The following RMDN2 variants were observed in gnomAD, a reference collection of about 807,000 sequenced individuals.
RMDN2 encodes regulator of microtubule dynamics 2, also known as regulator of microtubule dynamics protein 2.
In RMDN2, 61 loss-of-function variants were observed where a neutral mutation model predicts 52.8. The ratio of observed to expected loss-of-function variants is 1.16; its 90% CI spans 0.94 to 1.43. The LOEUF (loss-of-function observed/expected upper bound fraction) is 1.43. RMDN2 is among the 40% of genes most tolerant of loss of function. RMDN2 has a pLI of 0.00. For missense variants in RMDN2, 592 were observed against 475.3 expected (o/e 1.25, Z -2.28); for synonymous variants, 180 against 153.1 (o/e 1.18, Z -1.30).
At chr2:37,939,383 G>T (rs1667585964) in intron 2 of RMDN2, among the ~76,000 whole-genome samples, 1 of 152,184 alleles carries the variant, frequency 6.6e-6, no homozygotes, top group South Asian at 2.1e-4. Flanking sequence ...GTGTGGTGGA[G>T]AGTTCTATAG....
chr2:37,990,518 CA>C (rs397812186), intron 6 of RMDN2, among the ~76,000 whole-genome samples: 281 of 37,544 alleles, frequency 7.5e-3, no homozygotes, highest in African/African-American at 0.018. Context: ...GACTCCATCT[CA>C]AAAAAAAAAA....
intron 10 of RMDN2, among the ~76,000 whole-genome samples, chr2:38,032,129 A>G (rs1680253436): frequency 6.6e-6 from 1 of 152,184 alleles, no homozygotes; most frequent in Non-Finnish European, 1.5e-5. Context: ...AAAATGCACA[A>G]ATTTTAATTG....
At position 37,990,749 on chromosome 2, in the gene RMDN2, A is replaced by G. The variant is rs111296095; in HGVS notation, c.868-471A>G. 6.9e-3 allele frequency among the ~76,000 whole-genome samples: 1,057 copies of G among 152,258 alleles called. 6 individuals are homozygous for G. The highest frequency in any genetic ancestry group is 0.024 in the African/African-American group (1,000 of 41,550). On this transcript the variant is annotated intron_variant, in intron 6 of 10. Coordinates refer to ENST00000354545, the MANE Select transcript of RMDN2 (RefSeq NM_001170791.3). Reference sequence around the variant, plus strand: ...CTCAATACATAACCCCTCAACGTCAATAATTACAGAGATGAATAAACTGTT... The same window carrying G: ...CTCAATACATAACCCCTCAACGTCAGTAATTACAGAGATGAATAAACTGTT...
chr2:38,047,869 A>G (rs902193764), intron 10 of RMDN2, among the ~76,000 whole-genome samples: 5 of 151,820 alleles, frequency 3.3e-5, no homozygotes, highest in African/African-American at 1.2e-4. Flanking sequence ...CATTTCTTCT[A>G]TTTCCTTCTA....
rs115589067 is a variant in RMDN2, at chr2:37,968,311, C to A, written c.453-5729C>A. ...CAACAAAATTAGCTGGGCACCGTGGCAGGCACCTGTAATCCCAGCTTGGGG... is the reference window on the plus strand; with the variant it reads ...CAACAAAATTAGCTGGGCACCGTGGAAGGCACCTGTAATCCCAGCTTGGGG... On this transcript the variant is annotated intron_variant, in intron 2 of 10. Coordinates refer to ENST00000354545, the MANE Select transcript of RMDN2 (RefSeq NM_001170791.3). Among the ~76,000 whole-genome samples the A allele has an allele frequency of 6.9e-3, 933 of 136,038 alleles. 5 individuals are homozygous for A. The highest frequency in any genetic ancestry group is 0.026 in the African/African-American group (883 of 34,134). The allele number at this position is 136,038 out of a possible 152,430, so 89.2% of individuals were successfully genotyped here.
intron 10 of RMDN2, chr2:38,066,920 C>G: frequency 6.4e-7 from 1 of 1,570,406 alleles, no homozygotes; most frequent in South Asian, 1.1e-5. Flanking sequence ...GAGGTTCCCA[C>G]GCCAAAGTTT....
At chr2:37,961,415 C>CT (rs1670222753) in intron 2 of RMDN2, among the ~76,000 whole-genome samples, 1 of 151,804 alleles carries the variant, frequency 6.6e-6, no homozygotes, top group Non-Finnish European at 1.5e-5. Flanking sequence ...CTAATCTTGT[C>CT]TTTACAATTT....
At chr2:37,993,712 G>C (rs1675126598) in intron 7 of RMDN2, among the ~76,000 whole-genome samples, 1 of 133,746 alleles carries the variant, frequency 7.5e-6, no homozygotes, top group African/African-American at 2.8e-5. Context: ...GCAGAGAGCA[G>C]CTTGAAGACT....
intron 2 of RMDN2, among the ~76,000 whole-genome samples, chr2:37,938,682 A>G (rs1183050233): frequency 2.6e-5 from 4 of 152,132 alleles, no homozygotes; most frequent in African/African-American, 7.2e-5. Context: ...TTATTTGTGT[A>G]GAGGTGTTTA....
At chr2:38,042,362 G>A (rs1681008999) in intron 10 of RMDN2, among the ~76,000 whole-genome samples, 1 of 150,408 alleles carries the variant, frequency 6.6e-6, no homozygotes, top group African/African-American at 2.5e-5. Flanking sequence ...CCTGGCCAGA[G>A]ATTTATCAAT....
chr2:37,931,248 TTG>T (rs1382507604), intron 2 of RMDN2, among the ~76,000 whole-genome samples: 1 of 152,178 alleles, frequency 6.6e-6, no homozygotes, highest in African/African-American at 2.4e-5. Context: ...TCTAAAAAAT[TTG>T]TGTGACTCAG....
intron 10 of RMDN2, among the ~76,000 whole-genome samples, chr2:38,025,527 C>T (rs1679717152): frequency 6.6e-6 from 1 of 152,072 alleles, no homozygotes; most frequent in African/African-American, 2.4e-5. Flanking sequence ...TAGAAGAGGG[C>T]AAGCGTTCTT....
intron 10 of RMDN2, among the ~76,000 whole-genome samples, chr2:38,022,874 C>T (rs1284318957): frequency 6.6e-6 from 1 of 152,114 alleles, no homozygotes; most frequent in Non-Finnish European, 1.5e-5. Context: ...ACAGTTTAAG[C>T]GTTGATGTGT....
chr2:38,006,096 G>C (rs867273190), intron 10 of RMDN2, among the ~76,000 whole-genome samples: 2 of 152,122 alleles, frequency 1.3e-5, no homozygotes, highest in Non-Finnish European at 2.9e-5. Flanking sequence ...TGCTGTTTTG[G>C]TGACTGTAGC....
At chr2:37,974,474 CTTTTA>C (rs1672207521) in intron 3 of RMDN2, among the ~76,000 whole-genome samples, 4 of 150,384 alleles carry the variant, frequency 2.7e-5, no homozygotes, top group African/African-American at 7.3e-5. Flanking sequence ...CGCAGATTTA[CTTTTA>C]TTTGATTTTT....
intron 2 of RMDN2, among the ~76,000 whole-genome samples, chr2:37,933,503 A>G (rs374026777): frequency 6.6e-6 from 1 of 152,150 alleles, no homozygotes; most frequent in African/African-American, 2.4e-5. Context: ...AGTGAACCAG[A>G]CTCCGTCTGC....
chr2:37,967,030 A>G (rs979630507), intron 2 of RMDN2, among the ~76,000 whole-genome samples: 1 of 152,210 alleles, frequency 6.6e-6, no homozygotes, highest in African/African-American at 2.4e-5. Context: ...TTATGGGGAC[A>G]GTGCCCGAAA....
intron 2 of RMDN2, among the ~76,000 whole-genome samples, chr2:37,963,910 C>CCG (rs1254868891): frequency 6.6e-6 from 1 of 151,118 alleles, no homozygotes; most frequent in East Asian, 2.0e-4. Context: ...AGGCGCCCCC[C>CCG]CACCTCCCGG....
At chr2:37,969,792 A>C (rs1196450051) in intron 2 of RMDN2, among the ~76,000 whole-genome samples, 1 of 70,934 alleles carries the variant, frequency 1.4e-5, no homozygotes, top group Non-Finnish European at 5.4e-5. Flanking sequence ...TGTGAAATGT[A>C]TTATTGTATT....
Sources: allele counts gnomAD v4.1 joint callset (sites outside exome capture counted in the v4.1 genomes callset), GRCh38; gene constraint gnomAD v4.1.1; transcripts MANE v1.5; gene names NCBI Gene and HGNC (gene_info 2026-07-23, HGNC 2026-07-21).